GSE1: variants seen among roughly 807,000 people sequenced by gnomAD.
GSE1 encodes the protein Gse1 coiled-coil protein.
In GSE1, 32 loss-of-function variants were observed where a neutral mutation model predicts 112.6. The observed-to-expected ratio is 0.28, with a 90% CI of 0.21 to 0.38. The LOEUF (loss-of-function observed/expected upper bound fraction) is 0.38, where lower values mean the gene tolerates loss of function less well. GSE1 is among the 10% of genes least tolerant of loss of function. The pLI is 1.00. For missense variants in GSE1, 2,348 were observed against 1,699.2 expected, an observed-to-expected ratio of 1.38 and a Z score of -6.71; for synonymous variants, 1,115 against 735.6, an observed-to-expected ratio of 1.52 and a Z score of -8.35.
At chr16:85,515,928 C>T (rs2051919346) in intron 2 of GSE1, among the ~76,000 whole-genome samples, 1 of 152,186 alleles carries the variant, frequency 6.6e-6, no homozygotes, top group Non-Finnish European at 1.5e-5. Flanking sequence ...CCTGGGACTC[C>T]ACTCTGCTGT....
intron 1 of GSE1, among the ~76,000 whole-genome samples, chr16:85,260,306 T>C (rs1397590284): frequency 1.3e-5 from 2 of 148,386 alleles, no homozygotes; most frequent in Non-Finnish European, 1.5e-5. Flanking sequence ...TTTTTCCTTT[T>C]TCTTTTTCTT....
rs2053034584 is a variant in GSE1 at position 85,668,168 on chromosome 16, G to T, written c.3159G>T (p.Gln1053His). ...GCGTGGCTGTGCTGTCTGCAGAGCA[G>T]AACCACAAGGTTGACACGTCCGTCC... ...KGSVAVLSAE[Q>H]NHKVDTSVHY... Residue 1053 changes from glutamine (Q) to histidine (H), a missense_variant, in exon 14 of 16, where the codon CAG (glutamine) becomes CAT (histidine). Gln to His is a conservative substitution (Grantham distance 24). Transcript: ENST00000253458. 1 of 1,602,962 alleles carries T rather than the reference G, an allele frequency of 6.2e-7. No homozygotes were observed. Among genetic ancestry groups the T allele is most frequent in the South Asian group, 1.1e-5 (1 of 89,632 alleles).
At chr16:85,495,574 G>C (rs903270065) in intron 2 of GSE1, among the ~76,000 whole-genome samples, 3 of 151,850 alleles carry the variant, frequency 2.0e-5, no homozygotes, top group African/African-American at 7.3e-5. Flanking sequence ...TCAGCTCCCT[G>C]CAGCCTCTAC....
intron 2 of GSE1, among the ~76,000 whole-genome samples, chr16:85,638,281 G>A (rs993128309): frequency 3.3e-5 from 5 of 152,206 alleles, no homozygotes; most frequent in Admixed American, 6.5e-5. Context: ...GGAGGCCCTC[G>A]CTGGGATTTA....
intron 2 of GSE1, among the ~76,000 whole-genome samples, chr16:85,547,130 T>C (rs917091905): frequency 1.3e-5 from 2 of 152,196 alleles, no homozygotes; most frequent in Admixed American, 6.5e-5. Flanking sequence ...AAGGATGGCT[T>C]GACCCAGCTG....
chr16:85,470,566 G>A (rs577837907), intron 2 of GSE1, among the ~76,000 whole-genome samples: 9 of 152,332 alleles, frequency 5.9e-5, no homozygotes, highest in South Asian at 2.1e-4. Context: ...ACCTTCACCC[G>A]ATGGGGCCAG....
At chr16:85,598,311 G>T (rs1037736689) in intron 1 of GSE1, among the ~76,000 whole-genome samples, 5 of 151,718 alleles carry the variant, frequency 3.3e-5, no homozygotes, top group African/African-American at 7.3e-5. Context: ...ACCCAGCTGC[G>T]CAGGGCAGTT....
chr16:85,230,519 C>G (rs1362710948), intron 1 of GSE1, among the ~76,000 whole-genome samples: 1 of 152,200 alleles, frequency 6.6e-6, no homozygotes, highest in Non-Finnish European at 1.5e-5. Context: ...CTGGCTGTCT[C>G]TAGGCCTCTA....
intron 1 of GSE1, among the ~76,000 whole-genome samples, chr16:85,199,771 G>A (rs1221701643): frequency 6.6e-6 from 1 of 152,166 alleles, no homozygotes; most frequent in African/African-American, 2.4e-5. Context: ...CAGCCACACA[G>A]CAGGGAACGG....
intron 1 of GSE1, among the ~76,000 whole-genome samples, chr16:85,315,388 C>T (rs80249901): frequency 0.013 from 2,022 of 152,208 alleles, 36 homozygotes; most frequent in African/African-American, 0.047. Context: ...GGGAACAGGC[C>T]GTGGTACCAT....
chr16:85,487,462 A>G (rs747224432), intron 2 of GSE1, among the ~76,000 whole-genome samples: 1 of 152,312 alleles, frequency 6.6e-6, no homozygotes, highest in Non-Finnish European at 1.5e-5. Flanking sequence ...CCGATTTCAT[A>G]AACACTGAGG....
At chr16:85,404,232 C>T (rs1279528456) in intron 2 of GSE1, among the ~76,000 whole-genome samples, 2 of 96,518 alleles carry the variant, frequency 2.1e-5, no homozygotes, top group Admixed American at 1.7e-4. Flanking sequence ...CACTCAGGGC[C>T]CCCCCGGATA....
rs565528147 is a variant in GSE1 at position 85,241,592 on chromosome 16, C to G, written c.2283+69785C>G. Among the ~76,000 whole-genome samples, 210 of 152,258 alleles carry G rather than the reference C, an allele frequency of 1.4e-3. 1 individual carries two copies. The highest frequency in any genetic ancestry group is 4.7e-3 in the African/African-American group (194 of 41,540). The stretch of plus-strand genomic sequence containing the variant: ...TCTCTGAATAAACTCTGTCAATTAC[C>G]CGGTGTGGTCTCCCAGTGCCTGGAT... On this transcript the variant is annotated intron_variant, in intron 1 of 2. Transcript: ENST00000637419.
chr16:85,326,559 C>A (rs894339077), intron 1 of GSE1, among the ~76,000 whole-genome samples: 11 of 152,244 alleles, frequency 7.2e-5, no homozygotes, highest in African/African-American at 2.4e-4. Context: ...CACTCACTGT[C>A]TCTCCTGTCG....
At chr16:85,309,653 T>C (rs2045778831) in intron 1 of GSE1, among the ~76,000 whole-genome samples, 1 of 152,238 alleles carries the variant, frequency 6.6e-6, no homozygotes, top group African/African-American at 2.4e-5. Flanking sequence ...CCAGGACCTG[T>C]CCACCTCTCC....
chr16:85,234,437 A>C (rs543868617), intron 1 of GSE1, among the ~76,000 whole-genome samples: 3 of 152,190 alleles, frequency 2.0e-5, no homozygotes, highest in Admixed American at 6.5e-5. Context: ...TCCAGCAGCA[A>C]CTCTGGATAG....
rs368279388 is a variant in GSE1, at chr16:85,675,291, G to A, written c.*2752G>A. ...ACCATCTTCCTACATTACCTGGAAG[G>A]GAGCTGCCATCTGTCCCTCTGCAGA... On this transcript the variant is annotated 3_prime_UTR_variant, in exon 16 of 16. Transcript: ENST00000253458. 1 of 152,138 alleles carries A rather than the reference G, an allele frequency of 6.6e-6. No individual in the cohort carries two copies. Among genetic ancestry groups the A allele is most frequent in the Non-Finnish European group, 1.5e-5 (1 of 68,026 alleles). 9.4% of individuals were successfully genotyped at this position (152,138 alleles called of 1,614,324 possible).
At chr16:85,666,386 G>C (rs762966209) in intron 13 of GSE1, 39 bp downstream of exon 13, 3 of 1,610,320 alleles carry the variant, frequency 1.9e-6, no homozygotes, top group Non-Finnish European at 2.5e-6. Flanking sequence ...TCTCGGCTGT[G>C]GTTGAGGCTG....
At chr16:85,645,296 T>A (rs1330054568) in intron 2 of GSE1, among the ~76,000 whole-genome samples, 1 of 152,064 alleles carries the variant, frequency 6.6e-6, no homozygotes, top group Non-Finnish European at 1.5e-5. Context: ...GGTGGGGGCC[T>A]TGCCTTGGGC....
Sources: gnomAD v4.1 joint callset for allele counts (sites outside exome capture counted in the v4.1 genomes callset) on GRCh38, gnomAD v4.1.1 for gene constraint, MANE v1.5 for transcripts, NCBI Gene and HGNC (gene_info 2026-07-23, HGNC 2026-07-21) for gene names.